The following PRIM2 variants were observed in gnomAD, a reference collection of about 807,000 sequenced individuals.
The protein encoded by PRIM2 is DNA primase large subunit.
Under a neutral mutation model 67.3 loss-of-function variants are expected in PRIM2, and 39 were observed. That is an observed-to-expected ratio of 0.58 (90% CI 0.45 to 0.76). The LOEUF (loss-of-function observed/expected upper bound fraction) is 0.76. PRIM2 is among the 30% of genes least tolerant of loss of function. PRIM2 has a pLI of 0.00. For synonymous variants in PRIM2, 143 were observed against 198.7 expected (o/e 0.72, Z 2.36); for missense variants, 398 against 598.7 (o/e 0.66, Z 3.50).
intron 10 of PRIM2, among the ~76,000 whole-genome samples, chr6:57,594,271 T>G (rs1776328726): frequency 6.6e-6 from 1 of 152,252 alleles, no homozygotes; most frequent in Admixed American, 6.5e-5. Context: ...AACTACTGAT[T>G]GTTAAAAATT....
intron 7 of PRIM2, among the ~76,000 whole-genome samples, chr6:57,436,472 C>A (rs924781098): frequency 4.5e-4 from 68 of 152,228 alleles, no homozygotes; most frequent in Non-Finnish European, 7.8e-4. Flanking sequence ...CTATTTTAGT[C>A]ACAAACCTTA....
chr6:57,320,322 C>A, intron 2 of PRIM2, 135 bp from the exon 3 acceptor site: 1 of 576,322 alleles, frequency 1.7e-6, no homozygotes, highest in South Asian at 2.2e-5. Flanking sequence ...TATATGATGT[C>A]GTTACAGGAA....
chr6:57,441,989 GA>G (rs66509788), intron 7 of PRIM2, among the ~76,000 whole-genome samples: 15 of 148,442 alleles, frequency 1.0e-4, no homozygotes, highest in Admixed American at 4.0e-4. Context: ...AGCAGGAAAA[GA>G]AAAAAAAATA....
chr6:57,456,314 T>G (rs1394422935), intron 7 of PRIM2, among the ~76,000 whole-genome samples: 1 of 152,230 alleles, frequency 6.6e-6, no homozygotes, highest in East Asian at 1.9e-4. Flanking sequence ...CTGTGTTTCC[T>G]GAATTTGAAT....
At chr6:57,459,656 G>T (rs1452164873) in intron 7 of PRIM2, among the ~76,000 whole-genome samples, 3 of 152,152 alleles carry the variant, frequency 2.0e-5, no homozygotes, top group African/African-American at 7.2e-5. Context: ...TCATAGGGAA[G>T]GCCTCCATGC....
chr6:57,368,267 G>A (rs554078476), intron 5 of PRIM2, among the ~76,000 whole-genome samples: 1 of 151,430 alleles, frequency 6.6e-6, no homozygotes, highest in African/African-American at 2.4e-5. Flanking sequence ...GATGTATGTC[G>A]AACCACTAAT....
intron 8 of PRIM2, among the ~76,000 whole-genome samples, chr6:57,516,057 G>A (rs1338154756): frequency 5.3e-5 from 8 of 151,432 alleles, no homozygotes; most frequent in African/African-American, 1.7e-4. Context: ...CCTTGCCTGT[G>A]GGTCCCATCT....
At chr6:57,513,699 G>A (rs1774418150) in intron 8 of PRIM2, among the ~76,000 whole-genome samples, 1 of 152,050 alleles carries the variant, frequency 6.6e-6, no homozygotes, top group African/African-American at 2.4e-5. Flanking sequence ...TTCAAGACCA[G>A]CCTGTCTCTA....
chr6:57,409,600 G>A (rs549071895), intron 7 of PRIM2, among the ~76,000 whole-genome samples: 1 of 152,304 alleles, frequency 6.6e-6, no homozygotes, highest in East Asian at 1.9e-4. Context: ...AGTAGTGTAT[G>A]TGTTCCAGTT....
chr6:57,588,499 T>C (rs1776233534), intron 10 of PRIM2, among the ~76,000 whole-genome samples: 2 of 151,200 alleles, frequency 1.3e-5, no homozygotes, highest in African/African-American at 2.4e-5. Flanking sequence ...TGGAGGAAAA[T>C]AGACAATTCT....
intron 10 of PRIM2, among the ~76,000 whole-genome samples, chr6:57,574,768 C>T: frequency 6.6e-6 from 1 of 150,960 alleles, no homozygotes; most frequent in Non-Finnish European, 1.5e-5. Context: ...TCTTTTAGCT[C>T]AGATCCAGAG....
intron 7 of PRIM2, among the ~76,000 whole-genome samples, chr6:57,414,327 C>G (rs1771189880): frequency 6.6e-6 from 1 of 152,114 alleles, no homozygotes; most frequent in South Asian, 2.1e-4. Flanking sequence ...TAATGCTTAC[C>G]ATACTGCTTT....
At chr6:57,237,335 A>G in the PRIM2 span, among the ~76,000 whole-genome samples, 1 of 152,130 alleles carries the variant, frequency 6.6e-6, no homozygotes, top group African/African-American at 2.4e-5. Flanking sequence ...AGATGGGTAG[A>G]TTGCAAAAAT....
At chr6:57,464,785 CATT>C (rs567551861) in intron 7 of PRIM2, among the ~76,000 whole-genome samples, 82 of 152,304 alleles carry the variant, frequency 5.4e-4, no homozygotes, top group African/African-American at 1.8e-3. Flanking sequence ...CCATCATCAT[CATT>C]GTTTCCAAAA....
intron 7 of PRIM2, among the ~76,000 whole-genome samples, chr6:57,451,698 G>A (rs1772556420): frequency 1.3e-5 from 2 of 152,006 alleles, no homozygotes; most frequent in African/African-American, 4.8e-5. Flanking sequence ...TAGGCCACGT[G>A]ATCTCTTTTG....
chr6:57,274,451 T>C, the PRIM2 span, among the ~76,000 whole-genome samples: 2 of 152,212 alleles, frequency 1.3e-5, no homozygotes, highest in Non-Finnish European at 2.9e-5. Context: ...AATCTCCTGG[T>C]GTACCGTTTT....
chr6:57,270,891 G>A, the PRIM2 span, among the ~76,000 whole-genome samples: 1 of 151,936 alleles, frequency 6.6e-6, no homozygotes, highest in African/African-American at 2.4e-5. Context: ...ATAATCATGT[G>A]GTTTTTGTCT....
chr6:57,335,707 T>C (rs1390181003), intron 5 of PRIM2, among the ~76,000 whole-genome samples: 1 of 151,988 alleles, frequency 6.6e-6, no homozygotes, highest in Non-Finnish European at 1.5e-5. Context: ...CAAAAACCCA[T>C]CTGTACACCA....
At chr6:57,349,541 G>A (rs1220468580) in intron 5 of PRIM2, among the ~76,000 whole-genome samples, 3 of 151,250 alleles carry the variant, frequency 2.0e-5, no homozygotes, top group African/African-American at 7.3e-5. Context: ...AGTAATACAA[G>A]TATTGCAACA....
Sources: gnomAD v4.1 joint callset for allele counts (sites outside exome capture counted in the v4.1 genomes callset) on GRCh38, gnomAD v4.1.1 for gene constraint, MANE v1.5 for transcripts, NCBI Gene and HGNC (gene_info 2026-07-23, HGNC 2026-07-21) for gene names.